The following CPAMD8 variants were observed in gnomAD, a reference collection of about 807,000 sequenced individuals.
CPAMD8 encodes the protein C3 and PZP like alpha-2-macroglobulin domain containing 8, also known as C3 and PZP-like alpha-2-macroglobulin domain-containing protein 8.
CPAMD8 carries 146 observed loss-of-function variants against 224.7 expected under a neutral mutation model. The ratio of observed to expected loss-of-function variants is 0.65; its 90% CI spans 0.57 to 0.75. CPAMD8 has a LOEUF of 0.75. CPAMD8 is among the 30% of genes least tolerant of loss of function. The pLI is 0.00. For missense variants in CPAMD8, 2,301 were observed against 2,537.5 expected (o/e 0.91, Z 2.00); for synonymous variants, 966 against 1,044.6 (o/e 0.92, Z 1.45).
At chr19:16,995,553 A>G (rs1244981233) in intron 11 of CPAMD8, among the ~76,000 whole-genome samples, 1 of 152,174 alleles carries the variant, frequency 6.6e-6, no homozygotes, top group Non-Finnish European at 1.5e-5. Context: ...GGTGTCCACC[A>G]TCATGTCTGG....
intron 11 of CPAMD8, among the ~76,000 whole-genome samples, chr19:16,996,220 C>A (rs1017628722): frequency 1.3e-5 from 2 of 151,940 alleles, no homozygotes; most frequent in Non-Finnish European, 2.9e-5. Context: ...TGCCTGCAGT[C>A]CCAGCTACCC....
intron 15 of CPAMD8, 27 bp from the exon 16 acceptor site, chr19:16,976,178 G>C (rs2055263104): frequency 6.3e-7 from 1 of 1,596,384 alleles, no homozygotes; most frequent in Admixed American, 1.7e-5. Context: ...CAAGGGATAA[G>C]AAACTTGGTT....
At chr19:16,920,157 A>C (rs2053113570) in intron 27 of CPAMD8, among the ~76,000 whole-genome samples, 1 of 152,196 alleles carries the variant, frequency 6.6e-6, no homozygotes, top group Admixed American at 6.5e-5. Flanking sequence ...GGGGACCTGG[A>C]AGCTGCTGAC....
rs138079023 is a variant in CPAMD8, at chr19:16,977,386, C to G, written c.1740G>C (p.Glu580Asp). 1.7e-3 allele frequency: 2,674 copies of G among 1,611,890 alleles called. 16 individuals carry two copies. In the African/African-American group the frequency reaches 0.021, roughly 13 times the overall value. The part of the protein sequence containing the change: ...GVADSLQFAV[E>D]TFFENQVSVT... ...GCTCTACCTGGTTTTCGAAGAAGGT[C>G]TCGACTGCAAACTGAAGGCTGTCGG... The change falls in exon 15 of 42, where the codon GAG (glutamate) becomes GAC (aspartate). Residue 580 changes from glutamate (E) to aspartate (D), a missense_variant. Physicochemically the swap from Glu to Asp is conservative, Grantham distance 45 (BLOSUM62 2). This residue lies in a region of CPAMD8 where 301 missense variants were observed against 406.6 expected (regional missense o/e 0.74). Transcript: ENST00000443236.
chr19:16,909,769 A>G (rs1014979728), intron 29 of CPAMD8, among the ~76,000 whole-genome samples: 1 of 151,940 alleles, frequency 6.6e-6, no homozygotes, highest in Non-Finnish European at 1.5e-5. Context: ...TGTATTAGAG[A>G]CAGAGGTTTC....
At chr19:16,990,361 C>T (rs989755275) in intron 12 of CPAMD8, among the ~76,000 whole-genome samples, 6 of 151,824 alleles carry the variant, frequency 4.0e-5, no homozygotes, top group Non-Finnish European at 8.8e-5. Context: ...GTGTGAGGAT[C>T]ACTTGGGCCC....
intron 27 of CPAMD8, among the ~76,000 whole-genome samples, chr19:16,919,972 G>A (rs1386867018): frequency 6.6e-6 from 1 of 152,198 alleles, no homozygotes; most frequent in African/African-American, 2.4e-5. Context: ...CAGGCTCAGA[G>A]AGGTTGATCA....
At chr19:16,975,348 ACCT>A in intron 16 of CPAMD8, 90 bp from the exon 17 acceptor site, 1 of 1,016,348 alleles carries the variant, frequency 9.8e-7, no homozygotes, top group Non-Finnish European at 1.5e-6. Flanking sequence ...TCCCATCCCA[ACCT>A]CTTTATCACG....
Position 16,993,499 on chromosome 19 carries a change from T to C in CPAMD8, c.1183A>G (p.Thr395Ala), listed in dbSNP as rs760773373. 6 of 1,613,834 alleles carry C rather than the reference T, an allele frequency of 3.7e-6. No homozygotes were observed. The East Asian group carries it at 6.7e-5, about 18-fold the overall frequency. Residue 395 changes from threonine (T) to alanine (A), a missense_variant, in exon 12 of 42, where the codon ACC becomes GCC. Transcript: ENST00000443236. ...CCACGCTGGGACACAACTTCACTGGTGTAGATGTTATCCTTTGGTGTCAGC... is the reference window on the plus strand; with the variant it reads ...CCACGCTGGGACACAACTTCACTGGCGTAGATGTTATCCTTTGGTGTCAGC... ...AELTPKDNIY[T>A]SEVVSQRGLV...
In CPAMD8 at chr19:16,976,163, T is replaced by G; in HGVS notation, c.1759-12A>C. 1 of 1,607,684 alleles carries G rather than the reference T, an allele frequency of 6.2e-7. No individual in the cohort carries two copies. The highest frequency in any genetic ancestry group is 8.5e-7 in the Non-Finnish European group (1 of 1,176,388). ...TACGTCACTGAAACCTTGGCGCAAATGCAGCAAGGGATAAGAAACTTGGTT... is the reference window on the plus strand; with the variant it reads ...TACGTCACTGAAACCTTGGCGCAAAGGCAGCAAGGGATAAGAAACTTGGTT... On this transcript the variant is annotated splice_polypyrimidine_tract_variant and intron_variant, in intron 15 of 41. Coordinates refer to ENST00000443236, the MANE Select transcript of CPAMD8 (RefSeq NM_015692.5).
intron 3 of CPAMD8, among the ~76,000 whole-genome samples, chr19:17,015,062 C>T (rs2056775036): frequency 6.6e-6 from 1 of 152,076 alleles, no homozygotes; most frequent in Admixed American, 6.6e-5. Context: ...GCCAACATGG[C>T]GAAGCCCCGT....
chr19:16,979,182 T>C (rs2055397886), intron 14 of CPAMD8, among the ~76,000 whole-genome samples: 1 of 141,386 alleles, frequency 7.1e-6, no homozygotes, highest in South Asian at 2.4e-4. Context: ...ATCCATCCAT[T>C]CATCTATTCA....
Position 16,901,197 on chromosome 19 carries a change from G to C in CPAMD8, c.4773+13C>G, listed in dbSNP as rs752159149. 1.3e-6 allele frequency: 2 copies of C among 1,591,238 alleles called. No homozygotes were observed. The highest frequency in any genetic ancestry group is 2.3e-5 in the East Asian group (1 of 44,268). On this transcript the variant is annotated intron_variant, in intron 36 of 41. Transcript: ENST00000443236. ...AGATCCCTGCCCACCGCTGCTCACC[G>C]GCGCTGCCTCACCTGCTCCAGGCTC...
At chr19:16,925,758 AT>A (rs35402590) in intron 25 of CPAMD8, among the ~76,000 whole-genome samples, 52,149 of 145,164 alleles carry the variant, frequency 0.36, 10,328 homozygotes, top group East Asian at 0.57. Flanking sequence ...TTTCTAAAAT[AT>A]TTTTTTTTTT....
chr19:16,979,405 T>TCCATCCAC (rs1303945439), intron 14 of CPAMD8, among the ~76,000 whole-genome samples: 1 of 147,470 alleles, frequency 6.8e-6, no homozygotes, highest in African/African-American at 2.6e-5. Flanking sequence ...CATCCATCCA[T>TCCATCCAC]CCATCCATCT....
At chr19:16,904,968 C>T (rs1194390232) in intron 30 of CPAMD8, among the ~76,000 whole-genome samples, 4 of 152,230 alleles carry the variant, frequency 2.6e-5, no homozygotes, top group Non-Finnish European at 5.9e-5. Context: ...TGGCCAGGCA[C>T]AGTGGCTCAC....
chr19:17,001,453 G>T (rs2056318379), intron 9 of CPAMD8, among the ~76,000 whole-genome samples: 2 of 87,654 alleles, frequency 2.3e-5, no homozygotes, highest in Admixed American at 9.5e-5. Flanking sequence ...ACATGGTGGG[G>T]TTGGGAGGGT....
chr19:16,996,587 G>A (rs112427364), intron 11 of CPAMD8, among the ~76,000 whole-genome samples: 4,472 of 152,204 alleles, frequency 0.029, 198 homozygotes, highest in African/African-American at 0.1. Flanking sequence ...GGGAGGCCAA[G>A]GCGGGAAGTT....
chr19:17,013,722 G>C (rs1363436538), intron 3 of CPAMD8, among the ~76,000 whole-genome samples: 2 of 151,618 alleles, frequency 1.3e-5, no homozygotes, highest in African/African-American at 4.8e-5. Flanking sequence ...GGAACTAGAT[G>C]GGGGGGCATT....
Sources: allele counts gnomAD v4.1 joint callset (sites outside exome capture counted in the v4.1 genomes callset), GRCh38; gene constraint gnomAD v4.1.1; regional missense constraint gnomAD v4.1.1; transcripts MANE v1.5; gene names NCBI Gene and HGNC (gene_info 2026-07-23, HGNC 2026-07-21).